The following CALN1 variants were observed in gnomAD, a reference collection of about 807,000 sequenced individuals.
CALN1 encodes the protein calneuron 1, also known as calcium-binding protein 8.
Under a neutral mutation model 30.6 loss-of-function variants are expected in CALN1, and 17 were observed. That is an observed-to-expected ratio of 0.56 (90% confidence interval 0.38 to 0.83). CALN1 has a LOEUF of 0.83. CALN1 is among the 40% of genes least tolerant of loss of function. The pLI, the probability that CALN1 is intolerant of heterozygous loss-of-function variation, is 0.00. For missense variants in CALN1, 291 were observed against 354.9 expected (o/e 0.82, Z 1.45); for synonymous variants, 156 against 131.4 (o/e 1.19, Z -1.28).
intron 6 of CALN1, among the ~76,000 whole-genome samples, chr7:71,789,529 C>G (rs1793193744): frequency 6.6e-6 from 1 of 152,110 alleles, no homozygotes; most frequent in Admixed American, 6.5e-5. Context: ...ATCTTGGATG[C>G]TGCTGAAGTT....
intron 3 of CALN1, among the ~76,000 whole-genome samples, chr7:72,260,034 C>T (rs1796161744): frequency 6.6e-6 from 1 of 152,174 alleles, no homozygotes; most frequent in Non-Finnish European, 1.5e-5. Flanking sequence ...GGATTTGAGA[C>T]CAACCTGGAC....
At chr7:72,418,079 GTACCCAATAGGTAGTGTTT>G (rs762278029) in intron 1 of CALN1, among the ~76,000 whole-genome samples, 15 of 152,164 alleles carry the variant, frequency 9.9e-5, no homozygotes, top group Non-Finnish European at 1.8e-4. Context: ...AGCAAGCATA[GTACCCAATAGGTAGTGTTT>G]CAACCTTTGC....
intron 4 of CALN1, among the ~76,000 whole-genome samples, chr7:72,040,499 TTAAA>T (rs1335473732): frequency 6.6e-6 from 1 of 152,114 alleles, no homozygotes; most frequent in African/African-American, 2.4e-5. Flanking sequence ...AATAAATTAA[TTAAA>T]TACAGTTGAA....
intron 2 of CALN1, among the ~76,000 whole-genome samples, chr7:72,314,713 C>A (rs1434154909): frequency 6.6e-6 from 1 of 151,570 alleles, no homozygotes; most frequent in African/African-American, 2.4e-5. Flanking sequence ...CCGTGCCCGG[C>A]CATATTTTTT....
intron 2 of CALN1, among the ~76,000 whole-genome samples, chr7:72,383,807 A>G (rs543702556): frequency 2.6e-5 from 4 of 152,362 alleles, no homozygotes; most frequent in African/African-American, 9.6e-5. Context: ...GGGTGGAGGC[A>G]TAGATGAGTT....
chr7:72,290,465 G>C (rs993762041), intron 2 of CALN1, among the ~76,000 whole-genome samples: 2 of 152,148 alleles, frequency 1.3e-5, no homozygotes, highest in African/African-American at 2.4e-5. Context: ...CTCAGTGGTA[G>C]CAACTCTCCT....
chr7:72,474,419 C>T, the CALN1 span, among the ~76,000 whole-genome samples: 5 of 152,186 alleles, frequency 3.3e-5, no homozygotes, highest in African/African-American at 9.6e-5. Flanking sequence ...GGTGCAGAGG[C>T]TCACACCTGT....
At chr7:72,473,493 G>A in the CALN1 span, among the ~76,000 whole-genome samples, 3 of 152,018 alleles carry the variant, frequency 2.0e-5, no homozygotes, top group South Asian at 2.1e-4. Flanking sequence ...TATCACCATC[G>A]AAGTATAATT....
intron 2 of CALN1, among the ~76,000 whole-genome samples, chr7:72,365,026 C>T (rs1274259194): frequency 7.2e-5 from 11 of 151,994 alleles, no homozygotes; most frequent in Admixed American, 7.2e-4. Context: ...AAAAATTAGC[C>T]GGGCGTGGTG....
At chr7:71,862,051 A>C (rs144497005) in intron 5 of CALN1, among the ~76,000 whole-genome samples, 16 of 152,300 alleles carry the variant, frequency 1.1e-4, no homozygotes, top group African/African-American at 3.6e-4. Flanking sequence ...AACTTTCTCT[A>C]AGACGTGGCC....
rs4029789 is a variant in CALN1, at chr7:72,445,057, A to AACACACACAC, written c.-226+1975_-226+1984dup. ...AAAGCCAGCAGCCATCAGTGAATTA[A>AACACACACAC]ACACACACACACACACACACACACA... On this transcript the variant is annotated intron_variant, in intron 1 of 6. Transcript: ENST00000395276. 2.3e-4 allele frequency among the ~76,000 whole-genome samples: 32 copies of AACACACACAC among 138,942 alleles called. No homozygotes were observed. The East Asian group carries it at 2.8e-3, about 12-fold the overall frequency. The allele number at this position is 138,942 out of a possible 152,430, so 91.2% of individuals were successfully genotyped here.
chr7:72,346,751 A>G, intron 2 of CALN1, among the ~76,000 whole-genome samples: 1 of 152,096 alleles, frequency 6.6e-6, no homozygotes, highest in East Asian at 1.9e-4. Flanking sequence ...CCTGACCTCA[A>G]GTGATCCACC....
the CALN1 span, among the ~76,000 whole-genome samples, chr7:72,492,881 C>A: frequency 1.3e-5 from 2 of 152,180 alleles, no homozygotes; most frequent in Non-Finnish European, 2.9e-5. Context: ...CTCAGAAAAT[C>A]GTCATCTCCA....
At chr7:72,251,033 T>G (rs1379724335) in intron 3 of CALN1, among the ~76,000 whole-genome samples, 2 of 152,102 alleles carry the variant, frequency 1.3e-5, no homozygotes, top group Non-Finnish European at 2.9e-5. Flanking sequence ...ATTAAAGACA[T>G]AGAGACCAGA....
Position 72,379,964 on chromosome 7 carries a change from C to G in CALN1, c.119+23287G>C, listed in dbSNP as rs570001559. On this transcript the variant is annotated intron_variant, in intron 2 of 6. Transcript: ENST00000395275. ...TCAACTTCTCTGTTTTAATTCACTA[C>G]AACTCTTACCATGCAAGAAACCAAG... 2.6e-5 allele frequency among the ~76,000 whole-genome samples: 4 copies of G among 152,326 alleles called. No homozygotes were observed. In the East Asian group the frequency reaches 7.7e-4, roughly 29 times the overall value.
the CALN1 span, among the ~76,000 whole-genome samples, chr7:72,477,752 G>T: frequency 1.3e-5 from 2 of 152,034 alleles, no homozygotes; most frequent in Admixed American, 1.3e-4. Flanking sequence ...TAGAGACGAG[G>T]TCTCACTATG....
At chr7:71,968,546 TCA>T (rs1797639002) in intron 5 of CALN1, among the ~76,000 whole-genome samples, 1 of 151,994 alleles carries the variant, frequency 6.6e-6, no homozygotes, top group Admixed American at 6.6e-5. Flanking sequence ...TTCTCGTGCC[TCA>T]GTTTCCCAAG....
chr7:72,288,906 C>A (rs1798283635), intron 2 of CALN1, among the ~76,000 whole-genome samples: 1 of 152,094 alleles, frequency 6.6e-6, no homozygotes, highest in South Asian at 2.1e-4. Context: ...CACAAGTTTG[C>A]CAATTTTCTG....
chr7:71,945,629 G>A (rs1172283644), intron 5 of CALN1, among the ~76,000 whole-genome samples: 1 of 152,156 alleles, frequency 6.6e-6, no homozygotes, highest in African/African-American at 2.4e-5. Context: ...CTGCACACGC[G>A]AGGGATCTAG....
Sources: gnomAD v4.1 joint callset for allele counts (sites outside exome capture counted in the v4.1 genomes callset) on GRCh38, gnomAD v4.1.1 for gene constraint, MANE v1.5 for transcripts, NCBI Gene and HGNC (gene_info 2026-07-23, HGNC 2026-07-21) for gene names.